The following GOLGA8A variants were observed in gnomAD, a reference collection of about 807,000 sequenced individuals.
GOLGA8A encodes golgin subfamily A member 8A.
GOLGA8A carries 3 observed loss-of-function variants against 22.1 expected under a neutral mutation model. The ratio of observed to expected loss-of-function variants is 0.14; its 90% CI spans 0.06 to 0.35. The LOEUF (loss-of-function observed/expected upper bound fraction) is 0.35. Ranked by LOEUF, GOLGA8A falls within the 10% of genes least tolerant of loss-of-function variation. GOLGA8A has a pLI of 1.00. For synonymous variants in GOLGA8A, 7 were observed against 91.7 expected (o/e 0.08, Z 5.28); for missense variants, 16 against 233.2 (o/e 0.07, Z 6.07).
intron 2 of GOLGA8A, among the ~76,000 whole-genome samples, chr15:34,431,028 T>C (rs74431716): frequency 0.11 from 14,182 of 131,534 alleles, 1,522 homozygotes; most frequent in South Asian, 0.26. Flanking sequence ...GTTTTAATTG[T>C]ACAATGCACA....
chr15:34,434,354 A>G lies in GOLGA8A; in HGVS notation c.-1123+1029T>C, dbSNP rs562759406. 4.0e-5 allele frequency among the ~76,000 whole-genome samples: 6 copies of G among 149,796 alleles called. 1 individual carries two copies. The Admixed American group carries it at 4.0e-4, about 10-fold the overall frequency. ...CAACCTGGGAAACCTCACAGCCGGC[A>G]CAGAAATCATAAAGCACACAGCAAT... On this transcript the variant is annotated intron_variant, in intron 2 of 24. Coordinates refer to ENST00000359187, the MANE Select transcript of GOLGA8A (RefSeq NM_181077.5).
At chr15:34,434,084 C>T (rs1426479474) in intron 2 of GOLGA8A, among the ~76,000 whole-genome samples, 2 of 149,202 alleles carry the variant, frequency 1.3e-5, no homozygotes, top group African/African-American at 4.9e-5. Context: ...CCGGGATGGA[C>T]ATGGGCCAAG....
intron 2 of GOLGA8A, among the ~76,000 whole-genome samples, chr15:34,428,002 AATC>A (rs1308108683): frequency 1.3e-5 from 2 of 148,988 alleles, no homozygotes; most frequent in East Asian, 2.0e-4. Context: ...GTCTGATTAA[AATC>A]ATCAAGATGA....
chr15:34,432,883 CAAT>C, intron 2 of GOLGA8A, among the ~76,000 whole-genome samples: 1 of 149,116 alleles, frequency 6.7e-6, no homozygotes, highest in African/African-American at 2.5e-5. Flanking sequence ...ACTCCCAGGA[CAAT>C]AAGAGAAGCC....
intron 2 of GOLGA8A, among the ~76,000 whole-genome samples, chr15:34,423,537 T>C (rs1413182479): frequency 6.7e-6 from 1 of 148,726 alleles, no homozygotes; most frequent in African/African-American, 2.5e-5. Context: ...AGCCACTCCC[T>C]ACCACTTGTC....
At chr15:34,403,898 CCT>C (rs1449583330) in intron 5 of GOLGA8A, among the ~76,000 whole-genome samples, 1 of 46,538 alleles carries the variant, frequency 2.1e-5, no homozygotes, top group African/African-American at 8.0e-5. Flanking sequence ...CAATTCATTC[CCT>C]GTTTTGGAGA....
rs1483542424 is a variant in GOLGA8A, at chr15:34,380,808, A to G, written c.*603T>C. 5.4e-6 allele frequency: 1 copy of G among 186,624 alleles called. No homozygotes were observed. The highest frequency in any genetic ancestry group is 1.1e-5 in the Non-Finnish European group (1 of 88,376). 11.6% of individuals were successfully genotyped at this position (186,624 alleles called of 1,614,324 possible). ...TAGAAAGCTCCCCCAAAAGGTTATC[A>G]CTCCCATCACCAATACACAGAAAAT... On this transcript the variant is annotated 3_prime_UTR_variant, in exon 25 of 25. Transcript: ENST00000359187.
At chr15:34,431,343 A>ATCTATCTATCTATC (rs1566914036) in intron 2 of GOLGA8A, among the ~76,000 whole-genome samples, 2 of 119,364 alleles carry the variant, frequency 1.7e-5, no homozygotes, top group Non-Finnish European at 3.6e-5. Flanking sequence ...ATATATATAT[A>ATCTATCTATCTATC]TATCTCACAC....
At chr15:34,428,434 T>C (rs1893077588) in intron 2 of GOLGA8A, among the ~76,000 whole-genome samples, 1 of 148,282 alleles carries the variant, frequency 6.7e-6, no homozygotes, top group Non-Finnish European at 1.5e-5. Flanking sequence ...GCAGCAGGCC[T>C]TTCCAGTTAC....
intron 2 of GOLGA8A, among the ~76,000 whole-genome samples, chr15:34,425,217 C>T (rs948940799): frequency 1.4e-5 from 2 of 147,470 alleles, no homozygotes; most frequent in African/African-American, 5.0e-5. Flanking sequence ...TTACCAAAAG[C>T]CACCGTAACT....
At position 34,429,958 on chromosome 15, in the gene GOLGA8A, G is replaced by A. The variant is rs80121037; in HGVS notation, c.-1123+5425C>T. On this transcript the variant is annotated intron_variant, in intron 2 of 24. Coordinates refer to ENST00000359187, the MANE Select transcript of GOLGA8A (RefSeq NM_181077.5). The stretch of plus-strand genomic sequence containing the variant: ...AGCAACACATACAAGGAGTTAGGCC[G>A]GGGTTGCCAAAGTGAGGAGTGGGAA... Among the ~76,000 whole-genome samples, 938 of 148,050 alleles carry A rather than the reference G, an allele frequency of 6.3e-3. 78 individuals are homozygous for A. The highest frequency in any genetic ancestry group is 0.021 in the African/African-American group (861 of 40,196).
Position 34,380,634 on chromosome 15 carries a change from C to G in GOLGA8A, c.*777G>C, listed in dbSNP as rs77038074. ...AAAAGAGTGCAACTGCTGCAGCTCA[C>G]GATGCAATATCTTCATGAGCCCAGA... On this transcript the variant is annotated 3_prime_UTR_variant, in exon 25 of 25. Transcript: ENST00000359187. 1 of 152,470 alleles carries G rather than the reference C, an allele frequency of 6.6e-6. No homozygotes were observed. Among genetic ancestry groups the G allele is most frequent in the Admixed American group, 6.5e-5 (1 of 15,286 alleles). The allele number at this position is 152,470 out of a possible 1,614,324, so 9.4% of individuals were successfully genotyped here.
At chr15:34,398,915 T>C (rs1156738847) in intron 7 of GOLGA8A, among the ~76,000 whole-genome samples, 186 bp from the exon 8 acceptor site, 1 of 129,774 alleles carries the variant, frequency 7.7e-6, no homozygotes, top group South Asian at 2.6e-4. Context: ...ATGTTGCAAG[T>C]GGCCTACATG....
intron 2 of GOLGA8A, among the ~76,000 whole-genome samples, chr15:34,425,351 T>A: frequency 1.4e-5 from 2 of 141,330 alleles, no homozygotes; most frequent in African/African-American, 2.6e-5. Flanking sequence ...AACAGAGAGG[T>A]CAAAGTGGCT....
chr15:34,423,198 C>T (rs1380136055), intron 2 of GOLGA8A, among the ~76,000 whole-genome samples: 1 of 126,240 alleles, frequency 7.9e-6, no homozygotes, highest in African/African-American at 2.8e-5. Context: ...GCTGACCACC[C>T]CCATGCCTCT....
At chr15:34,431,778 A>C (rs1213997840) in intron 2 of GOLGA8A, among the ~76,000 whole-genome samples, 1 of 148,398 alleles carries the variant, frequency 6.7e-6, no homozygotes, top group African/African-American at 2.5e-5. Flanking sequence ...AAAAAAATAT[A>C]TTTTTATTTT....
chr15:34,433,529 C>G (rs1893350474), intron 2 of GOLGA8A, among the ~76,000 whole-genome samples: 1 of 149,426 alleles, frequency 6.7e-6, no homozygotes, highest in African/African-American at 2.5e-5. Context: ...CTGTACAACT[C>G]TGAAGCTCTT....
In GOLGA8A at chr15:34,418,786, G is replaced by A. The variant is rs1279900809; in HGVS notation, c.-1122-11051C>T. ...CGGCCTGTGCCCATGGTTCAGGTGA[G>A]AGCCGGGTGGGTGGCAGGGGCTACG... is the stretch of plus-strand genomic sequence containing the variant. On this transcript the variant is annotated intron_variant, in intron 2 of 24. Transcript: ENST00000359187. 2.0e-5 allele frequency: 3 copies of A among 147,198 alleles called. 1 individual carries two copies. Among genetic ancestry groups the A allele is most frequent in the East Asian group, 4.3e-4 (2 of 4,694 alleles). The allele number at this position is 147,198 out of a possible 1,614,324, so 9.1% of individuals were successfully genotyped here. A position where few individuals can be genotyped will look rare whatever the true frequency, so the allele number is the denominator to read the frequency against.
intron 2 of GOLGA8A, among the ~76,000 whole-genome samples, chr15:34,434,041 T>A (rs8037498): frequency 0.093 from 13,746 of 148,120 alleles, 1,605 homozygotes; most frequent in South Asian, 0.25. Flanking sequence ...GACCAAGGGA[T>A]AAGATGAAAG....
Sources: gnomAD v4.1 joint callset for allele counts (sites outside exome capture counted in the v4.1 genomes callset) on GRCh38, gnomAD v4.1.1 for gene constraint, MANE v1.5 for transcripts, NCBI Gene and HGNC (gene_info 2026-07-23, HGNC 2026-07-21) for gene names.